Variants in TENM4 observed in about 807,000 individuals in gnomAD.
The protein encoded by TENM4 is teneurin transmembrane protein 4.
Under a neutral mutation model 243.3 loss-of-function variants are expected in TENM4, and 82 were observed. The observed-to-expected ratio is 0.34, with a 90% CI of 0.28 to 0.40. The LOEUF is 0.40. TENM4 is among the 10% of genes least tolerant of loss of function. The pLI is 1.00. For missense variants in TENM4, 3,138 were observed against 3,673.3 expected (o/e 0.85, Z 3.77); for synonymous variants, 1,412 against 1,456.3 (o/e 0.97, Z 0.69).
chr11:79,292,025 A>G (rs1028576288), intron 2 of TENM4, among the ~76,000 whole-genome samples: 1 of 152,110 alleles, frequency 6.6e-6, no homozygotes, highest in African/African-American at 2.4e-5. Context: ...TCTCTTTCCC[A>G]GCTCATATGT....
At chr11:78,988,762 C>T (rs1857976153) in intron 6 of TENM4, among the ~76,000 whole-genome samples, 1 of 152,226 alleles carries the variant, frequency 6.6e-6, no homozygotes, top group Non-Finnish European at 1.5e-5. Flanking sequence ...ACAGCCTCCA[C>T]CTTCCAGGCT....
chr11:78,746,064 T>C (rs1856044761), intron 19 of TENM4, among the ~76,000 whole-genome samples: 1 of 152,198 alleles, frequency 6.6e-6, no homozygotes, highest in Non-Finnish European at 1.5e-5. Context: ...GAGATTTTTC[T>C]GCCTCAGCCT....
At chr11:78,715,250 G>C (rs1253227808) in intron 25 of TENM4, among the ~76,000 whole-genome samples, 1 of 152,188 alleles carries the variant, frequency 6.6e-6, no homozygotes, top group Non-Finnish European at 1.5e-5. Context: ...AAAAGGCGGT[G>C]ACCTTAGATC....
At chr11:79,013,682 A>T (rs768289881) in intron 6 of TENM4, among the ~76,000 whole-genome samples, 21 of 152,216 alleles carry the variant, frequency 1.4e-4, no homozygotes, top group Non-Finnish European at 2.4e-4. Flanking sequence ...ATGATCACCC[A>T]AGGGTGCAGG....
At position 79,209,587 on chromosome 11, in the gene TENM4, C is replaced by T. The variant is rs74590609; in HGVS notation, c.-163+6221G>A. On this transcript the variant is annotated intron_variant, in intron 3 of 33. Coordinates refer to ENST00000278550, the MANE Select transcript of TENM4 (RefSeq NM_001098816.3). ...GAAGACAATGGTGGTATGGGGAGGC[C>T]GCGGGCATCCTGAGTGCTCTGAGTA... Among the ~76,000 whole-genome samples the T allele has an allele frequency of 1.3e-3, 204 of 152,240 alleles. 1 individual carries two copies. The highest frequency in any genetic ancestry group is 4.5e-3 in the African/African-American group (187 of 41,538).
At chr11:79,252,542 A>G (rs1049510069) in intron 2 of TENM4, among the ~76,000 whole-genome samples, 1 of 152,260 alleles carries the variant, frequency 6.6e-6, no homozygotes, top group African/African-American at 2.4e-5. Context: ...TGGCTGAAGC[A>G]GTTCTACTCT....
At chr11:79,361,061 G>T (rs1023940561) in intron 1 of TENM4, among the ~76,000 whole-genome samples, 16 of 152,142 alleles carry the variant, frequency 1.1e-4, no homozygotes, top group Non-Finnish European at 1.9e-4. Flanking sequence ...GGTAGCATTG[G>T]CCTTAGAACC....
intron 1 of TENM4, among the ~76,000 whole-genome samples, chr11:79,357,299 G>C (rs1857513544): frequency 6.6e-6 from 1 of 152,228 alleles, no homozygotes; most frequent in Non-Finnish European, 1.5e-5. Flanking sequence ...AGATGCCTGT[G>C]TTGCAGATTT....
intron 4 of TENM4, among the ~76,000 whole-genome samples, chr11:79,075,491 A>T (rs987254951): frequency 2.6e-5 from 4 of 152,242 alleles, no homozygotes; most frequent in African/African-American, 9.6e-5. Context: ...AAGGGATTGG[A>T]AAATCATTAC....
chr11:78,899,855 T>C (rs1855889400), intron 7 of TENM4, among the ~76,000 whole-genome samples: 1 of 152,196 alleles, frequency 6.6e-6, no homozygotes, highest in Admixed American at 6.5e-5. Context: ...AGCAGATGCT[T>C]GTGTCATATT....
At chr11:78,991,150 A>ACCGG (rs1200340474) in intron 6 of TENM4, among the ~76,000 whole-genome samples, 1 of 152,152 alleles carries the variant, frequency 6.6e-6, no homozygotes, top group East Asian at 1.9e-4. Flanking sequence ...GATGGCTGCT[A>ACCGG]CCGGCACTGA....
intron 2 of TENM4, among the ~76,000 whole-genome samples, chr11:79,266,359 C>A (rs559306662): frequency 1.3e-5 from 2 of 152,312 alleles, no homozygotes; most frequent in East Asian, 1.9e-4. Context: ...GCAAAATAGT[C>A]AAAAATGCCT....
intron 9 of TENM4, among the ~76,000 whole-genome samples, chr11:78,864,530 C>G (rs371125272): frequency 2.0e-5 from 3 of 149,934 alleles, no homozygotes; most frequent in South Asian, 4.2e-4. Context: ...GACCATAAGG[C>G]GCAAAAGAAT....
At chr11:78,927,784 C>T (rs1856582970) in intron 6 of TENM4, among the ~76,000 whole-genome samples, 1 of 152,152 alleles carries the variant, frequency 6.6e-6, no homozygotes, top group Non-Finnish European at 1.5e-5. Flanking sequence ...CAGAACCTGT[C>T]AGAGTTGGCA....
At chr11:78,671,988 C>T in intron 31 of TENM4, 45 bp downstream of exon 31, 1 of 1,572,610 alleles carries the variant, frequency 6.4e-7, no homozygotes, top group Non-Finnish European at 8.6e-7. Context: ...GAATGATTGG[C>T]CTTCTGTATG....
intron 1 of TENM4, among the ~76,000 whole-genome samples, chr11:79,341,824 A>G (rs1857247106): frequency 6.6e-6 from 1 of 152,204 alleles, no homozygotes. Context: ...TCTCTATGAC[A>G]TTTCCTTATG....
At position 79,389,941 on chromosome 11, in the gene TENM4, T is replaced by C. The variant is rs118186304; in HGVS notation, c.-321+50568A>G. Among the ~76,000 whole-genome samples, 1,419 of 152,332 alleles carry C rather than the reference T, an allele frequency of 9.3e-3. 13 individuals are homozygous for C. Among genetic ancestry groups the C allele is most frequent in the Non-Finnish European group, 0.016 (1,108 of 68,034 alleles). On this transcript the variant is annotated intron_variant, in intron 1 of 33. Coordinates refer to ENST00000278550, the MANE Select transcript of TENM4 (RefSeq NM_001098816.3). ...TACCTGGCCCTTTCCAGAAAACGTTTGCTGACTCCTGCTATAGTTGATGGA... is the reference window on the plus strand; with the variant it reads ...TACCTGGCCCTTTCCAGAAAACGTTCGCTGACTCCTGCTATAGTTGATGGA...
chr11:79,334,599 C>A (rs1857117682), intron 1 of TENM4, among the ~76,000 whole-genome samples: 1 of 152,180 alleles, frequency 6.6e-6, no homozygotes, highest in Non-Finnish European at 1.5e-5. Context: ...TGCCTGTCTC[C>A]AACCATCCTC....
intron 12 of TENM4, among the ~76,000 whole-genome samples, chr11:78,847,705 G>A (rs1858431485): frequency 6.6e-6 from 1 of 152,184 alleles, no homozygotes; most frequent in Non-Finnish European, 1.5e-5. Context: ...TTATTACCAA[G>A]AGACCTCAAT....
Sources: gnomAD v4.1 joint callset for allele counts (sites outside exome capture counted in the v4.1 genomes callset) on GRCh38, gnomAD v4.1.1 for gene constraint, MANE v1.5 for transcripts, NCBI Gene and HGNC (gene_info 2026-07-23, HGNC 2026-07-21) for gene names.